The following SREK1IP1 variants were observed in gnomAD, a reference collection of about 807,000 sequenced individuals.
SREK1IP1 encodes the protein SREK1 interacting protein 1, also known as protein SREK1IP1.
A neutral mutation model predicts 22.8 loss-of-function variants in SREK1IP1; 12 were observed. That is an observed-to-expected ratio of 0.53 (90% CI 0.34 to 0.85). The LOEUF is 0.85. Among genes scored for constraint, SREK1IP1 ranks in the 40% least tolerant of loss-of-function variants. SREK1IP1 has a pLI of 0.02. For synonymous variants in SREK1IP1, 53 were observed against 52.7 expected (o/e 1.01, Z -0.02); for missense variants, 147 against 171.8 (o/e 0.86, Z 0.81).
rs1390666349 is a variant in SREK1IP1 at position 64,718,833 on chromosome 5, G to C, written c.*5551C>G. Reference sequence around the variant, plus strand: ...GAATTATTTTAAGCAGCTCTACTGAGCATATCTACTATGTCCTGTAGTTTT... The same window carrying C: ...GAATTATTTTAAGCAGCTCTACTGACCATATCTACTATGTCCTGTAGTTTT... On this transcript the variant is annotated 3_prime_UTR_variant, in exon 5 of 5. Transcript: ENST00000513458. 1 of 152,130 alleles carries C rather than the reference G, an allele frequency of 6.6e-6. No individual in the cohort carries two copies. The highest frequency in any genetic ancestry group is 2.4e-5 in the African/African-American group (1 of 41,440). 9.4% of individuals were successfully genotyped at this position (152,130 alleles called of 1,614,324 possible). A position where few individuals can be genotyped will look rare whatever the true frequency, so the allele number is the denominator to read the frequency against.
chr5:64,729,804 G>C (rs1742346569), intron 3 of SREK1IP1, among the ~76,000 whole-genome samples: 1 of 152,160 alleles, frequency 6.6e-6, no homozygotes, highest in Non-Finnish European at 1.5e-5. Context: ...TTGGTGGGAA[G>C]TGGGTAGGAG....
At chr5:64,731,464 A>G (rs62372309) in intron 3 of SREK1IP1, among the ~76,000 whole-genome samples, 3,612 of 151,370 alleles carry the variant, frequency 0.024, 68 homozygotes, top group East Asian at 0.082. Context: ...CAGTGATTCC[A>G]GAAGCCATGA....
In SREK1IP1 at chr5:64,768,561, G is replaced by A. The variant is rs747542615; in HGVS notation, c.-44C>T. ...AACTCGAGCCTCTGGCTTTCGAAAAGGCGCTTGCTTCCCGCCAGCTGTGAG... is the reference window on the plus strand; with the variant it reads ...AACTCGAGCCTCTGGCTTTCGAAAAAGCGCTTGCTTCCCGCCAGCTGTGAG... On this transcript the variant is annotated 5_prime_UTR_variant, in exon 1 of 5. Transcript: ENST00000513458. 1 of 1,613,876 alleles carries A rather than the reference G, an allele frequency of 6.2e-7. No individual in the cohort carries two copies. The highest frequency in any genetic ancestry group is 1.3e-5 in the African/African-American group (1 of 74,924).
chr5:64,747,647 G>T (rs1292895743), intron 2 of SREK1IP1, among the ~76,000 whole-genome samples: 1 of 151,276 alleles, frequency 6.6e-6, no homozygotes, highest in African/African-American at 2.4e-5. Context: ...GCAGTTTTTC[G>T]GCCGGGCGCG....
intron 2 of SREK1IP1, among the ~76,000 whole-genome samples, chr5:64,748,482 T>C (rs914504858): frequency 4.6e-5 from 7 of 152,226 alleles, no homozygotes; most frequent in Admixed American, 4.6e-4. Flanking sequence ...GCAAATTTTG[T>C]GTTATATATA....
intron 3 of SREK1IP1, 31 bp from the exon 4 acceptor site, chr5:64,728,210 TG>T: frequency 1.5e-6 from 2 of 1,358,464 alleles, no homozygotes; most frequent in Non-Finnish European, 9.6e-7. Context: ...GAAAAAAATC[TG>T]GTTAATATAT....
At chr5:64,736,375 T>C (rs1464128365) in intron 3 of SREK1IP1, among the ~76,000 whole-genome samples, 1 of 152,160 alleles carries the variant, frequency 6.6e-6, no homozygotes, top group Non-Finnish European at 1.5e-5. Flanking sequence ...TGGCTATAAT[T>C]GCAAATTTGT....
At chr5:64,725,841 GT>G (rs558454743) in intron 4 of SREK1IP1, among the ~76,000 whole-genome samples, 7,746 of 128,806 alleles carry the variant, frequency 0.06, 598 homozygotes, top group African/African-American at 0.18. Context: ...TGGTCCTGAA[GT>G]TTTTTTTTTT....
chr5:64,731,521 C>CA (rs10599290), intron 3 of SREK1IP1, among the ~76,000 whole-genome samples: 2,488 of 74,598 alleles, frequency 0.033, 87 homozygotes, highest in African/African-American at 0.061. Context: ...GCCCTTGTCT[C>CA]AAAAAAAAAA....
At chr5:64,750,733 A>C (rs924261417) in intron 2 of SREK1IP1, among the ~76,000 whole-genome samples, 1 of 152,126 alleles carries the variant, frequency 6.6e-6, no homozygotes, top group African/African-American at 2.4e-5. Flanking sequence ...CCTACTTTCT[A>C]TCACCACCTG....
At chr5:64,766,002 A>AAAG (rs1743027240) in intron 1 of SREK1IP1, among the ~76,000 whole-genome samples, 2 of 152,196 alleles carry the variant, frequency 1.3e-5, no homozygotes, top group African/African-American at 4.8e-5. Flanking sequence ...ATGCCTAGGC[A>AAAG]ATCTACTGTG....
intron 1 of SREK1IP1, among the ~76,000 whole-genome samples, chr5:64,764,223 T>G (rs935648073): frequency 6.6e-6 from 1 of 152,194 alleles, no homozygotes; most frequent in African/African-American, 2.4e-5. Flanking sequence ...CTGAGCTGCA[T>G]GCAGCCCATG....
chr5:64,768,384 G>T (rs1049408345), intron 1 of SREK1IP1, 121 bp downstream of exon 1: 35 of 1,292,414 alleles, frequency 2.7e-5, no homozygotes, highest in Non-Finnish European at 3.7e-5. Context: ...ACAAACCTGT[G>T]AATTTTAAGG....
chr5:64,742,776 GT>G (rs2112098359), intron 2 of SREK1IP1, among the ~76,000 whole-genome samples: 1 of 152,178 alleles, frequency 6.6e-6, no homozygotes, highest in African/African-American at 2.4e-5. Context: ...TCCTTTGGTT[GT>G]TGGCCTTTGA....
At chr5:64,739,307 G>A (rs1742515596) in intron 3 of SREK1IP1, among the ~76,000 whole-genome samples, 2 of 152,078 alleles carry the variant, frequency 1.3e-5, no homozygotes, top group African/African-American at 2.4e-5. Flanking sequence ...TGGTTAGTGT[G>A]TCCCAGTCTA....
chr5:64,746,993 T>C (rs1187565459), intron 2 of SREK1IP1, among the ~76,000 whole-genome samples: 3 of 152,146 alleles, frequency 2.0e-5, no homozygotes, highest in Non-Finnish European at 4.4e-5. Context: ...CTGTTTATTA[T>C]ATAGCACGGA....
chr5:64,725,176 A>G (rs1303951555), intron 4 of SREK1IP1, among the ~76,000 whole-genome samples: 1 of 152,158 alleles, frequency 6.6e-6, no homozygotes, highest in Non-Finnish European at 1.5e-5. Context: ...TATGCTATAT[A>G]TAAATGAAAA....
At position 64,724,400 on chromosome 5, in the gene SREK1IP1, T is replaced by C; in HGVS notation, c.452A>G (p.Glu151Gly). Residue 151 changes from glutamate to glycine, a missense_variant, in exon 5 of 5, where the codon GAA becomes GGA. Glu to Gly is a moderately conservative substitution (Grantham distance 98). Coordinates refer to ENST00000513458, the MANE Select transcript of SREK1IP1 (RefSeq NM_173829.4). ...AAGTCTCAGTTACTTTCTGGAGAATTCAGAACTATTAGGTGTAGAAGAATG... is the reference window on the plus strand; with the variant it reads ...AAGTCTCAGTTACTTTCTGGAGAATCCAGAACTATTAGGTGTAGAAGAATG... The part of the protein sequence containing the change: ...EKHSSTPNSS[E>G]FSRK 1 of 1,554,212 alleles carries C rather than the reference T, an allele frequency of 6.4e-7. No homozygotes were observed. Among genetic ancestry groups the C allele is most frequent in the Non-Finnish European group, 8.6e-7 (1 of 1,159,526 alleles).
At chr5:64,754,934 A>G (rs1742811475) in intron 1 of SREK1IP1, among the ~76,000 whole-genome samples, 1 of 152,158 alleles carries the variant, frequency 6.6e-6, no homozygotes, top group African/African-American at 2.4e-5. Context: ...TAAGACAAAC[A>G]CATATGGCTA....
Sources: allele counts gnomAD v4.1 joint callset (sites outside exome capture counted in the v4.1 genomes callset), GRCh38; gene constraint gnomAD v4.1.1; transcripts MANE v1.5; gene names NCBI Gene and HGNC (gene_info 2026-07-23, HGNC 2026-07-21).